The following TMOD2 variants were observed in gnomAD, a reference collection of about 807,000 sequenced individuals.
TMOD2 encodes the protein tropomodulin-2.
TMOD2 carries 22 observed loss-of-function variants against 39.9 expected under a neutral mutation model. The observed-to-expected ratio is 0.55, with a 90% CI of 0.39 to 0.79. The LOEUF is 0.79. Among genes scored for constraint, TMOD2 ranks in the 30% least tolerant of loss-of-function variants. The probability of loss-of-function intolerance (pLI) is 0.00; values close to 1 mark genes in which losing one functional copy is unlikely to be tolerated. For missense variants in TMOD2, 386 were observed against 413.3 expected (o/e 0.93, Z 0.57); for synonymous variants, 123 against 146.1 (o/e 0.84, Z 1.14).
intron 7 of TMOD2, chr15:51,783,494 AAAATT>A (rs1270190484): frequency 6.6e-6 from 1 of 152,142 alleles, no homozygotes; most frequent in Non-Finnish European, 1.5e-5. Flanking sequence ...AAAAAAAAGA[AAAATT>A]AAAGTATATT....
rs546562505 is a variant in TMOD2, at chr15:51,801,237, T to TCACACACACACA, written c.876+2933_876+2944dup. ...CTCTCCCTCTCTCTCTCTCTCTCTC[T>TCACACACACACA]CACACACACACACACACACACACAC... is the stretch of plus-strand genomic sequence containing the variant. On this transcript the variant is annotated intron_variant, in intron 8 of 9. Coordinates refer to ENST00000249700, the MANE Select transcript of TMOD2 (RefSeq NM_014548.4). 1.6e-3 allele frequency among the ~76,000 whole-genome samples: 168 copies of TCACACACACACA among 102,120 alleles called. 1 individual carries two copies. Among genetic ancestry groups the TCACACACACACA allele is most frequent in the African/African-American group, 4.3e-3 (107 of 25,012 alleles). 67.0% of individuals were successfully genotyped at this position (102,120 alleles called of 152,430 possible).
intron 1 of TMOD2, 134 bp from the exon 2 acceptor site, chr15:51,766,239 G>C: frequency 2.4e-6 from 1 of 422,100 alleles, no homozygotes; most frequent in Non-Finnish European, 4.2e-6. Context: ...TGCAAATGAA[G>C]GGAATATTAC....
chr15:51,802,147 T>C (rs2056094620), intron 8 of TMOD2, among the ~76,000 whole-genome samples: 1 of 151,986 alleles, frequency 6.6e-6, no homozygotes, highest in Non-Finnish European at 1.5e-5. Context: ...CCCTTTTTTA[T>C]ATGCCCCCCA....
chr15:51,778,413 C>T (rs553177145), intron 5 of TMOD2, among the ~76,000 whole-genome samples: 124 of 149,084 alleles, frequency 8.3e-4, no homozygotes, highest in African/African-American at 2.9e-3. Context: ...GTGCAGCACA[C>T]CAGCATGACA....
chr15:51,766,528 G>C lies in TMOD2; in HGVS notation c.87G>C (p.Leu29=), dbSNP rs543803521. Residue 29 remains leucine, a synonymous_variant, in exon 2 of 10, where the codon CTG becomes CTC. Transcript: ENST00000249700. ...TTGGCAAACTCTCAGAAGAGGAACT[G>C]AAACAGTTGGAAAATGTTCTAGATG... ...ELLGKLSEEE[L]KQLENVLDDL... 6.2e-7 allele frequency: 1 copy of C among 1,614,112 alleles called. No individual in the cohort carries two copies. Among genetic ancestry groups the C allele is most frequent in the African/African-American group, 1.3e-5 (1 of 75,062 alleles).
chr15:51,771,362 C>T (rs1055672040), intron 3 of TMOD2, among the ~76,000 whole-genome samples: 6 of 152,206 alleles, frequency 3.9e-5, no homozygotes, highest in Non-Finnish European at 5.9e-5. Flanking sequence ...GCTGGCACAC[C>T]TCAGGTTCCT....
intron 8 of TMOD2, among the ~76,000 whole-genome samples, chr15:51,804,181 G>T (rs536647099): frequency 6.6e-6 from 1 of 152,320 alleles, no homozygotes; most frequent in South Asian, 2.1e-4. Flanking sequence ...TGGGATAGTG[G>T]AAATAGAATG....
At chr15:51,764,399 C>T (rs767191466) in intron 1 of TMOD2, among the ~76,000 whole-genome samples, 3 of 152,188 alleles carry the variant, frequency 2.0e-5, no homozygotes, top group Non-Finnish European at 4.4e-5. Context: ...AAACCACAAA[C>T]CTGAACATTG....
chr15:51,804,200 C>T (rs986845731), intron 8 of TMOD2, among the ~76,000 whole-genome samples: 3 of 152,216 alleles, frequency 2.0e-5, no homozygotes, highest in Admixed American at 6.5e-5. Context: ...TGTGATGTAA[C>T]AGTAAGTCAC....
chr15:51,803,269 C>T (rs1448007587), intron 8 of TMOD2, among the ~76,000 whole-genome samples: 2 of 151,510 alleles, frequency 1.3e-5, no homozygotes, highest in African/African-American at 4.9e-5. Context: ...CAACCTCCGC[C>T]TCCCAGGTTC....
At chr15:51,768,960 T>G (rs1447961882) in intron 3 of TMOD2, among the ~76,000 whole-genome samples, 1 of 152,194 alleles carries the variant, frequency 6.6e-6, no homozygotes, top group Non-Finnish European at 1.5e-5. Context: ...ACCCATAAGA[T>G]GTGTAACACC....
At chr15:51,761,663 A>G (rs2055781639) in intron 1 of TMOD2, among the ~76,000 whole-genome samples, 1 of 151,800 alleles carries the variant, frequency 6.6e-6, no homozygotes, top group Non-Finnish European at 1.5e-5. Flanking sequence ...GAGCCCAGGA[A>G]TTGGAGGCTG....
Position 51,808,391 on chromosome 15 carries a change from G to C in TMOD2, c.1022-29G>C, listed in dbSNP as rs1209708758. 3 of 1,599,050 alleles carry C rather than the reference G, an allele frequency of 1.9e-6. No homozygotes were observed. In the African/African-American group the frequency reaches 4.0e-5, roughly 21 times the overall value. On this transcript the variant is annotated intron_variant, in intron 9 of 9. Transcript: ENST00000249700. Reference sequence around the variant, plus strand: ...AATTTAAGGAATATCCCTTCAATTTGTCTTTTTGTTCCTTTCTTTCTTACC... The same window carrying C: ...AATTTAAGGAATATCCCTTCAATTTCTCTTTTTGTTCCTTTCTTTCTTACC...
intron 1 of TMOD2, chr15:51,752,505 G>A (rs1457086656): frequency 6.6e-6 from 1 of 152,212 alleles, no homozygotes; most frequent in Non-Finnish European, 1.5e-5. Flanking sequence ...TGAATCACGA[G>A]GCATTTAGGA....
chr15:51,776,701 A>T (rs146415976), intron 4 of TMOD2, among the ~76,000 whole-genome samples: 1 of 152,270 alleles, frequency 6.6e-6, no homozygotes, highest in African/African-American at 2.4e-5. Context: ...TCAGATCCTA[A>T]ATGATTCTAC....
At chr15:51,773,919 T>C in intron 4 of TMOD2, 85 bp downstream of exon 4, 1 of 1,439,214 alleles carries the variant, frequency 6.9e-7, no homozygotes, top group Non-Finnish European at 9.3e-7. Context: ...GGCTTTGAGC[T>C]TCTCTTAGGT....
chr15:51,801,275 A>ACACACACACACACG (rs1313039133), intron 8 of TMOD2, among the ~76,000 whole-genome samples: 8 of 140,946 alleles, frequency 5.7e-5, no homozygotes, highest in African/African-American at 2.1e-4. Flanking sequence ...ACACACACAC[A>ACACACACACACACG]CACACACACC....
At chr15:51,788,146 T>A (rs147575350) in intron 7 of TMOD2, among the ~76,000 whole-genome samples, 27 of 152,238 alleles carry the variant, frequency 1.8e-4, no homozygotes, top group African/African-American at 5.8e-4. Context: ...GAGAAGAGCT[T>A]AAATAACCTG....
chr15:51,783,786 GATA>G (rs1480430268), intron 7 of TMOD2: 7 of 151,102 alleles, frequency 4.6e-5, no homozygotes, highest in East Asian at 3.9e-4. Context: ...TAGATAGATA[GATA>G]GATAAAAGAA....
Sources: gnomAD v4.1 joint callset for allele counts (sites outside exome capture counted in the v4.1 genomes callset) on GRCh38, gnomAD v4.1.1 for gene constraint, MANE v1.5 for transcripts, NCBI Gene and HGNC (gene_info 2026-07-23, HGNC 2026-07-21) for gene names.